The following GSE1 variants were observed in gnomAD, a reference collection of about 807,000 sequenced individuals.
The protein encoded by GSE1 is Gse1 coiled-coil protein.
In GSE1, 32 loss-of-function variants were observed where a neutral mutation model predicts 112.6. That is an observed-to-expected ratio of 0.28 (90% CI 0.21 to 0.38). GSE1 has a LOEUF of 0.38. Among genes scored for constraint, GSE1 ranks in the 10% least tolerant of loss-of-function variants. The pLI is 1.00. For missense variants in GSE1, 2,348 were observed against 1,699.2 expected (o/e 1.38, Z -6.71); for synonymous variants, 1,115 against 735.6 (o/e 1.52, Z -8.35).
chr16:85,501,855 T>A (rs1180301087), intron 2 of GSE1, among the ~76,000 whole-genome samples: 1 of 152,216 alleles, frequency 6.6e-6, no homozygotes, highest in Non-Finnish European at 1.5e-5. Context: ...CACCCCTCAT[T>A]CTACAACAGT....
chr16:85,538,368 C>G (rs2044404205), intron 2 of GSE1, among the ~76,000 whole-genome samples: 1 of 152,192 alleles, frequency 6.6e-6, no homozygotes, highest in Non-Finnish European at 1.5e-5. Flanking sequence ...CTATGATCTG[C>G]TTGGTTTTCT....
chr16:85,653,394 T>C (rs1281994068), intron 3 of GSE1, among the ~76,000 whole-genome samples: 1 of 144,384 alleles, frequency 6.9e-6, no homozygotes, highest in African/African-American at 2.6e-5. Flanking sequence ...GGCTGGACCC[T>C]GCGTGTGTGC....
rs532385860 is a variant in GSE1, at chr16:85,403,823, C to G, written c.2464+46180C>G. On this transcript the variant is annotated intron_variant, in intron 2 of 2. Transcript: ENST00000637419. Reference sequence around the variant, plus strand: ...TCTCAAAACAACAACAACAAAAACCCAGAAATGTATTCTGCCACAGTCTGG... The same window carrying G: ...TCTCAAAACAACAACAACAAAAACCGAGAAATGTATTCTGCCACAGTCTGG... Among the ~76,000 whole-genome samples, 7 of 152,150 alleles carry G rather than the reference C, an allele frequency of 4.6e-5. No homozygotes were observed. In the South Asian group the frequency reaches 1.5e-3, roughly 32 times the overall value.
intron 1 of GSE1, among the ~76,000 whole-genome samples, chr16:85,597,213 A>G (rs2047266831): frequency 6.6e-6 from 1 of 151,648 alleles, no homozygotes; most frequent in African/African-American, 2.4e-5. Flanking sequence ...TCCTGACCTC[A>G]GGTGATCTGC....
intron 13 of GSE1, among the ~76,000 whole-genome samples, chr16:85,667,772 T>C (rs2151997355): frequency 6.6e-6 from 1 of 152,180 alleles, no homozygotes; most frequent in South Asian, 2.1e-4. Flanking sequence ...GGCAGGAGAA[T>C]TGCTTGAACC....
rs567129487 is a variant in GSE1 at position 85,636,120 on chromosome 16, C to G, written c.226+1988C>G. Among the ~76,000 whole-genome samples the G allele has an allele frequency of 3.4e-4, 52 of 152,368 alleles. 1 individual carries two copies. In the South Asian group the frequency reaches 5.4e-3, roughly 16 times the overall value. On this transcript the variant is annotated intron_variant, in intron 2 of 15. Coordinates refer to ENST00000253458, the MANE Select transcript of GSE1 (RefSeq NM_014615.5). ...GACACCATGGCCTCGTGGCCCTGCT[C>G]CCTCCCAGCTGCAACCTGGGCACTG... is the stretch of plus-strand genomic sequence containing the variant.
intron 3 of GSE1, among the ~76,000 whole-genome samples, chr16:85,653,643 A>T (rs1218137618): frequency 6.6e-6 from 1 of 151,942 alleles, no homozygotes; most frequent in Non-Finnish European, 1.5e-5. Context: ...CCGGTACCCC[A>T]GCTGGCCAGT....
chr16:85,299,991 A>G (rs1363169862), intron 1 of GSE1, among the ~76,000 whole-genome samples: 1 of 151,306 alleles, frequency 6.6e-6, no homozygotes, highest in Non-Finnish European at 1.5e-5. Context: ...GTGGAAACAT[A>G]TATAACATAC....
Position 85,265,047 on chromosome 16 carries a change from G to A in GSE1, c.2284-92416G>A, listed in dbSNP as rs75911680. Reference sequence around the variant, plus strand: ...GCACCACTGTGACACCCGGAGCAGCGTCTGGCATGTTGTAAGTACGCAGTA... The same window carrying A: ...GCACCACTGTGACACCCGGAGCAGCATCTGGCATGTTGTAAGTACGCAGTA... On this transcript the variant is annotated intron_variant, in intron 1 of 2. Coordinates refer to the GSE1 transcript ENST00000637419. Among the ~76,000 whole-genome samples the A allele has an allele frequency of 7.0e-3, 1,063 of 152,330 alleles. 15 individuals carry two copies. Among genetic ancestry groups the A allele is most frequent in the African/African-American group, 0.021 (854 of 41,566 alleles).
At chr16:85,347,989 C>G (rs1387887428) in intron 1 of GSE1, among the ~76,000 whole-genome samples, 1 of 152,166 alleles carries the variant, frequency 6.6e-6, no homozygotes, top group East Asian at 1.9e-4. Context: ...GGGTCCCCTT[C>G]TTTCTTCTAC....
At chr16:85,670,888 G>T (rs567723479) in intron 14 of GSE1, 107 bp from the exon 15 acceptor site, 2 of 715,598 alleles carry the variant, frequency 2.8e-6, no homozygotes, top group South Asian at 1.6e-5. Flanking sequence ...TGGCTGCACT[G>T]GAGAGAGGTT....
At chr16:85,194,555 G>C (rs1435165540) in intron 1 of GSE1, among the ~76,000 whole-genome samples, 1 of 152,168 alleles carries the variant, frequency 6.6e-6, no homozygotes, top group Admixed American at 6.5e-5. Context: ...AGGTGACCGT[G>C]GACCCTTAGC....
At chr16:85,617,253 C>G (rs2048427864) in intron 1 of GSE1, among the ~76,000 whole-genome samples, 1 of 152,156 alleles carries the variant, frequency 6.6e-6, no homozygotes, top group Non-Finnish European at 1.5e-5. Context: ...GTGAGAGCTG[C>G]CCCCGGGAGG....
At chr16:85,566,428 C>T (rs1444096043) in intron 1 of GSE1, among the ~76,000 whole-genome samples, 1 of 152,248 alleles carries the variant, frequency 6.6e-6, no homozygotes, top group Non-Finnish European at 1.5e-5. Flanking sequence ...TCCTGGCCCT[C>T]TCTCCACTGC....
At chr16:85,183,888 C>G (rs1471818616) in intron 1 of GSE1, among the ~76,000 whole-genome samples, 1 of 152,176 alleles carries the variant, frequency 6.6e-6, no homozygotes, top group Non-Finnish European at 1.5e-5. Flanking sequence ...TGCCTCCTTT[C>G]TAGAACTTTC....
intron 2 of GSE1, among the ~76,000 whole-genome samples, chr16:85,494,990 C>T (rs1463275308): frequency 7.1e-6 from 1 of 139,964 alleles, no homozygotes. Context: ...AACCACTGGG[C>T]ACAGGGGCAG....
intron 2 of GSE1, among the ~76,000 whole-genome samples, chr16:85,377,694 G>A (rs1188100735): frequency 2.0e-5 from 3 of 152,234 alleles, no homozygotes; most frequent in African/African-American, 4.8e-5. Context: ...GCAGGGGGCC[G>A]GGGCTCCCCT....
rs923775242 is a variant in GSE1, at chr16:85,171,034, G to A, written c.1510G>A (p.Ala504Thr). The change falls in exon 1 of 3, where the codon GCC (alanine) becomes ACC (threonine). Residue 504 changes from alanine to threonine, a missense_variant. Coordinates refer to the GSE1 transcript ENST00000637419. ...CCCCTCCAGGATCCTCAACGGCAAC[G>A]CCAGGAGCGCCATGCATTTCCCCTT... 6.1e-6 allele frequency: 6 copies of A among 985,718 alleles called. No individual in the cohort carries two copies. The African/African-American group carries it at 1.0e-4, about 17-fold the overall frequency. 61.1% of individuals were successfully genotyped at this position (985,718 alleles called of 1,614,324 possible).
At chr16:85,484,079 G>T (rs1037271398) in intron 2 of GSE1, among the ~76,000 whole-genome samples, 2 of 152,214 alleles carry the variant, frequency 1.3e-5, no homozygotes, top group South Asian at 2.1e-4. Context: ...GTAGGATGAC[G>T]TCCCACACTT....
Sources: allele counts gnomAD v4.1 joint callset (sites outside exome capture counted in the v4.1 genomes callset), GRCh38; gene constraint gnomAD v4.1.1; transcripts MANE v1.5; gene names NCBI Gene and HGNC (gene_info 2026-07-23, HGNC 2026-07-21).